RIMS1: variants seen among roughly 807,000 people sequenced by gnomAD.
RIMS1 encodes regulating synaptic membrane exocytosis 1.
Under a neutral mutation model 214.1 loss-of-function variants are expected in RIMS1, and 83 were observed. That is an observed-to-expected ratio of 0.39 (90% CI 0.32 to 0.47). The LOEUF (loss-of-function observed/expected upper bound fraction) is 0.47, where lower values mean the gene tolerates loss of function less well. Among genes scored for constraint, RIMS1 ranks in the 20% least tolerant of loss-of-function variants. RIMS1 has a pLI of 0.99. For synonymous variants in RIMS1, 793 were observed against 786.8 expected, an observed-to-expected ratio of 1.01 and a Z score of -0.13; for missense variants, 2,050 against 2,161.8, an observed-to-expected ratio of 0.95 and a Z score of 1.03.
chr6:72,260,624 A>G, intron 18 of RIMS1, 81 bp from the exon 19 acceptor site: 9 of 1,562,096 alleles, frequency 5.8e-6, no homozygotes, highest in Non-Finnish European at 7.8e-6. Context: ...TTCCCTTTTC[A>G]TGTTTTCATT....
chr6:72,119,926 A>G (rs2037894881), intron 4 of RIMS1, among the ~76,000 whole-genome samples: 3 of 151,796 alleles, frequency 2.0e-5, no homozygotes, highest in Admixed American at 2.0e-4. Flanking sequence ...TCCTTGTGAT[A>G]GTTTCCTCGG....
intron 1 of RIMS1, among the ~76,000 whole-genome samples, chr6:71,892,769 A>G (rs1029287888): frequency 7.2e-5 from 11 of 152,218 alleles, no homozygotes; most frequent in African/African-American, 2.7e-4. Flanking sequence ...TAGGTCAGGC[A>G]TTAGGCTGCT....
intron 29 of RIMS1, among the ~76,000 whole-genome samples, chr6:72,384,913 C>T (rs766222521): frequency 1.3e-5 from 2 of 152,110 alleles, no homozygotes; most frequent in African/African-American, 4.8e-5. Context: ...GTGGATGTTT[C>T]TAAATATAAC....
Position 72,162,555 on chromosome 6 carries a change from C to G in RIMS1, c.472-17020C>G, listed in dbSNP as rs1291750138. Reference sequence around the variant, plus strand: ...TGTTCCTTTCCGTGTTTAGTGCTTCCTTCAGGAGCTCTTGTAAGGCAGGCC... The same window carrying G: ...TGTTCCTTTCCGTGTTTAGTGCTTCGTTCAGGAGCTCTTGTAAGGCAGGCC... On this transcript the variant is annotated intron_variant, in intron 4 of 33. Coordinates refer to ENST00000521978, the MANE Select transcript of RIMS1 (RefSeq NM_014989.7). Among the ~76,000 whole-genome samples the G allele has an allele frequency of 1.4e-5, 2 of 140,680 alleles. 1 individual carries two copies. The highest frequency in any genetic ancestry group is 4.9e-5 in the African/African-American group (2 of 40,568). The allele number at this position is 140,680 out of a possible 152,430, so 92.3% of individuals were successfully genotyped here.
At chr6:72,318,616 C>T (rs1027103570) in intron 28 of RIMS1, among the ~76,000 whole-genome samples, 1 of 152,076 alleles carries the variant, frequency 6.6e-6, no homozygotes, top group African/African-American at 2.4e-5. Context: ...AACCATTTTT[C>T]GTGCATCTTA....
intron 1 of RIMS1, among the ~76,000 whole-genome samples, chr6:71,957,197 T>C (rs574741990): frequency 6.6e-6 from 1 of 152,248 alleles, no homozygotes; most frequent in South Asian, 2.1e-4. Context: ...TAGTGAGAGA[T>C]AGTTGATGGA....
At chr6:72,380,516 T>C (rs560494684) in intron 29 of RIMS1, among the ~76,000 whole-genome samples, 1 of 152,276 alleles carries the variant, frequency 6.6e-6, no homozygotes, top group African/African-American at 2.4e-5. Flanking sequence ...AGGTTTATGC[T>C]TAGTAAATGA....
intron 16 of RIMS1, among the ~76,000 whole-genome samples, chr6:72,255,573 C>T (rs1436592959): frequency 6.6e-6 from 1 of 152,204 alleles, no homozygotes; most frequent in South Asian, 2.1e-4. Context: ...TAGTTATAGC[C>T]TTATTGTTAT....
At chr6:72,262,264 A>G (rs2078380737) in intron 19 of RIMS1, 1 of 823,948 alleles carries the variant, frequency 1.2e-6, no homozygotes, top group Non-Finnish European at 1.5e-6. Flanking sequence ...ATATAATCTT[A>G]TACTTAAGAT....
At chr6:72,332,392 G>C (rs1593926532) in intron 28 of RIMS1, among the ~76,000 whole-genome samples, 1 of 151,542 alleles carries the variant, frequency 6.6e-6, no homozygotes, top group Non-Finnish European at 1.5e-5. Context: ...AATTTAAAAG[G>C]TTGTAAGAAT....
chr6:72,052,115 A>T (rs534811549), intron 2 of RIMS1, among the ~76,000 whole-genome samples: 2 of 152,328 alleles, frequency 1.3e-5, no homozygotes, highest in African/African-American at 4.8e-5. Context: ...TTAAAACTGT[A>T]TTGAGTCCTC....
At position 72,264,999 on chromosome 6, in the gene RIMS1, A is replaced by G; in HGVS notation, c.3141A>G (p.Thr1047=). Residue 1047 remains threonine (T), a synonymous_variant, in exon 20 of 34, where the codon ACA becomes ACG. Coordinates refer to ENST00000521978, the MANE Select transcript of RIMS1 (RefSeq NM_014989.7). ...TTRHLVRHYK[T]LPPKMPLLQS... is the part of the protein sequence containing the mutation. The stretch of plus-strand genomic sequence containing the variant: ...GACATCTTGTTAGGCACTATAAAAC[A>G]TTACCTCCCAAGATGCCTTTATTAC... 1 of 1,597,462 alleles carries G rather than the reference A, an allele frequency of 6.3e-7. No homozygotes were observed. The highest frequency in any genetic ancestry group is 8.5e-7 in the Non-Finnish European group (1 of 1,170,414).
chr6:71,955,812 G>T (rs1291379403), intron 1 of RIMS1, among the ~76,000 whole-genome samples: 7 of 152,068 alleles, frequency 4.6e-5, no homozygotes, highest in Non-Finnish European at 1.0e-4. Context: ...GGAAAGATCA[G>T]TAATTCTTAA....
intron 1 of RIMS1, among the ~76,000 whole-genome samples, chr6:71,947,244 A>G (rs1201703570): frequency 1.3e-5 from 2 of 152,158 alleles, no homozygotes; most frequent in Non-Finnish European, 2.9e-5. Flanking sequence ...GTGAATATAT[A>G]TCTGTACTCC....
intron 29 of RIMS1, among the ~76,000 whole-genome samples, chr6:72,346,590 C>T (rs1352503279): frequency 6.6e-6 from 1 of 151,674 alleles, no homozygotes; most frequent in Non-Finnish European, 1.5e-5. Flanking sequence ...TTTGCCAGTT[C>T]CCTCCCTTCT....
At chr6:72,258,920 T>A in intron 17 of RIMS1, 66 bp from the exon 18 acceptor site, 1 of 1,487,904 alleles carries the variant, frequency 6.7e-7, no homozygotes, top group Non-Finnish European at 9.4e-7. Flanking sequence ...TCCTTCACTT[T>A]AGTCTGTCTG....
intron 5 of RIMS1, among the ~76,000 whole-genome samples, chr6:72,180,810 C>T (rs1313961925): frequency 6.6e-6 from 1 of 152,120 alleles, no homozygotes; most frequent in African/African-American, 2.4e-5. Flanking sequence ...GCTTTTGAAC[C>T]CCTTTTCAAG....
chr6:72,024,790 G>A (rs893521747), intron 2 of RIMS1, among the ~76,000 whole-genome samples: 1 of 149,786 alleles, frequency 6.7e-6, no homozygotes, highest in Non-Finnish European at 1.5e-5. Flanking sequence ...GAATAGAATA[G>A]TAATAAATTG....
At chr6:72,368,978 A>G (rs1474123545) in intron 29 of RIMS1, among the ~76,000 whole-genome samples, 2 of 151,578 alleles carry the variant, frequency 1.3e-5, no homozygotes, top group Non-Finnish European at 2.9e-5. Flanking sequence ...AGAACATGTC[A>G]GCTCATACAG....
Sources: allele counts gnomAD v4.1 joint callset (sites outside exome capture counted in the v4.1 genomes callset), GRCh38; gene constraint gnomAD v4.1.1; transcripts MANE v1.5; gene names NCBI Gene and HGNC (gene_info 2026-07-23, HGNC 2026-07-21).